MAP1LC3B: variants seen among roughly 807,000 people sequenced by gnomAD.
MAP1LC3B encodes the protein microtubule-associated protein 1 light chain 3 beta.
A neutral mutation model predicts 16.7 loss-of-function variants in MAP1LC3B; 12 were observed. The observed-to-expected ratio is 0.72, with a 90% CI of 0.46 to 1.16. The LOEUF (loss-of-function observed/expected upper bound fraction) is 1.16. Among genes scored for constraint, MAP1LC3B ranks in the 50% most tolerant of loss-of-function variants. The probability of loss-of-function intolerance (pLI) is 0.00; values close to 1 mark genes in which losing one functional copy is unlikely to be tolerated. For synonymous variants in MAP1LC3B, 63 were observed against 56.5 expected, an observed-to-expected ratio of 1.11 and a Z score of -0.51; for missense variants, 155 against 159.5, an observed-to-expected ratio of 0.97 and a Z score of 0.15.
intron 2 of MAP1LC3B, chr16:87,399,593 G>A: frequency 2.2e-6 from 1 of 453,972 alleles, no homozygotes; most frequent in South Asian, 1.6e-5. Context: ...TCTTTGTTGT[G>A]ACAGGGTGGA....
chr16:87,401,598 C>T (rs12149354), intron 2 of MAP1LC3B, among the ~76,000 whole-genome samples: 148,617 of 152,300 alleles, frequency 0.98, 72,639 homozygotes, highest in East Asian at 1. Flanking sequence ...AGTGGCGCAA[C>T]CTCAGCTCAC....
chr16:87,397,307 A>C (rs923344728), intron 1 of MAP1LC3B, among the ~76,000 whole-genome samples: 2 of 152,112 alleles, frequency 1.3e-5, no homozygotes, highest in African/African-American at 4.8e-5. Flanking sequence ...GGAATTTTAA[A>C]AGTTTTTATA....
At chr16:87,399,728 G>T in intron 2 of MAP1LC3B, 1 of 378,360 alleles carries the variant, frequency 2.6e-6, no homozygotes, top group South Asian at 1.9e-5. Flanking sequence ...AAAATATTTT[G>T]CTCCATGGAA....
chr16:87,402,156 C>A lies in MAP1LC3B; in HGVS notation c.97-19C>A, dbSNP rs377513973. 6.2e-7 allele frequency: 1 copy of A among 1,613,654 alleles called. No homozygotes were observed. The highest frequency in any genetic ancestry group is 1.3e-5 in the African/African-American group (1 of 75,018). On this transcript the variant is annotated intron_variant, in intron 2 of 3. Transcript: ENST00000268607. ...GGCCCTGATGACTATTTTAAAATCA[C>A]TTCTGGCTTCTTTTCCAGGTGATAA...
At chr16:87,399,486 C>T (rs1907912039) in intron 2 of MAP1LC3B, 1 of 383,374 alleles carries the variant, frequency 2.6e-6, no homozygotes, top group African/African-American at 2.1e-5. Context: ...TTACACAGAA[C>T]CCTATGTAGG....
In MAP1LC3B at chr16:87,403,954, T is replaced by C. The variant is rs964012068; in HGVS notation, c.*857T>C. The C allele has an allele frequency of 6.6e-6, 1 of 152,178 alleles. No individual in the cohort carries two copies. The highest frequency in any genetic ancestry group is 1.5e-5 in the Non-Finnish European group (1 of 68,038). 9.4% of individuals were successfully genotyped at this position (152,178 alleles called of 1,614,324 possible). A position where few individuals can be genotyped will look rare whatever the true frequency, so the allele number is the denominator to read the frequency against. ...GTACAGCGGGAGAAACACAAAATAG[T>C]ATAACTGAAAACATTAACATTCAGA... On this transcript the variant is annotated 3_prime_UTR_variant, in exon 4 of 4. Coordinates refer to ENST00000268607, the MANE Select transcript of MAP1LC3B (RefSeq NM_022818.5).
intron 2 of MAP1LC3B, chr16:87,399,567 C>A (rs1907915089): frequency 2.2e-6 from 1 of 447,898 alleles, no homozygotes; most frequent in Admixed American, 2.5e-5. Flanking sequence ...ATTTCCCATT[C>A]CTGCCACTCA....
intron 2 of MAP1LC3B, 66 bp from the exon 3 acceptor site, chr16:87,402,109 A>G: frequency 6.5e-7 from 1 of 1,536,398 alleles, no homozygotes; most frequent in Non-Finnish European, 9.0e-7. Flanking sequence ...TGCTGGGGTT[A>G]CAGGTGTGAG....
chr16:87,398,263 A>G (rs552186015), intron 1 of MAP1LC3B, among the ~76,000 whole-genome samples: 9 of 152,240 alleles, frequency 5.9e-5, no homozygotes, highest in African/African-American at 2.2e-4. Context: ...CCTGACCTCA[A>G]GTGATCTGCC....
Position 87,398,861 on chromosome 16 carries a change from C to T in MAP1LC3B, c.87C>T (p.Thr29=). 6.2e-7 allele frequency: 1 copy of T among 1,613,976 alleles called. No individual in the cohort carries two copies. Among genetic ancestry groups the T allele is most frequent in the Non-Finnish European group, 8.5e-7 (1 of 1,179,864 alleles). ...GACTTATTCGAGAGCAGCATCCAAC[C>T]AAAATCCCGGTAGGTAGTCTCAGGC... ...DVRLIREQHP[T]KIPVIIERYK... The change falls in exon 2 of 4, where the codon ACC becomes ACT. Residue 29 remains threonine (T), a synonymous_variant. Transcript: ENST00000268607.
At chr16:87,394,108 T>G (rs562328759) in intron 1 of MAP1LC3B, among the ~76,000 whole-genome samples, 58 of 152,262 alleles carry the variant, frequency 3.8e-4, no homozygotes, top group Middle Eastern at 6.8e-3. Flanking sequence ...ATGCCCCATT[T>G]TTTTCCCATT....
chr16:87,393,124 G>A (rs1455347582), intron 1 of MAP1LC3B: 1 of 152,296 alleles, frequency 6.6e-6, no homozygotes, highest in African/African-American at 2.4e-5. Context: ...GACTTCTCTT[G>A]GGTTTGCGAT....
intron 2 of MAP1LC3B, among the ~76,000 whole-genome samples, chr16:87,400,778 T>C (rs773142497): frequency 6.6e-6 from 1 of 151,888 alleles, no homozygotes; most frequent in Non-Finnish European, 1.5e-5. Context: ...CCTCACCTCC[T>C]TATGCACCAG....
intron 1 of MAP1LC3B, among the ~76,000 whole-genome samples, chr16:87,393,526 A>AT (rs1597387906): frequency 6.6e-6 from 1 of 151,870 alleles, no homozygotes; most frequent in Non-Finnish European, 1.5e-5. Flanking sequence ...ATTGACCATT[A>AT]TTTTTTTTCT....
chr16:87,397,576 G>GC (rs1354452825), intron 1 of MAP1LC3B, among the ~76,000 whole-genome samples: 1 of 152,160 alleles, frequency 6.6e-6, no homozygotes, highest in African/African-American at 2.4e-5. Context: ...GGAGATTGCA[G>GC]CACTGCACTC....
At chr16:87,399,180 A>T in intron 2 of MAP1LC3B, 1 of 330,686 alleles carries the variant, frequency 3.0e-6, no homozygotes, top group Non-Finnish European at 5.7e-6. Context: ...CTAATTTTTT[A>T]AGTTTTTTGT....
At position 87,398,933 on chromosome 16, in the gene MAP1LC3B, G is replaced by C. The variant is rs1597390013; in HGVS notation, c.96+63G>C. ...ACGCAGAGGAGAGCACCGCATAAGT[G>C]CATCCACTTGACGGGTTTTTACAGG... is the stretch of plus-strand genomic sequence containing the variant. On this transcript the variant is annotated intron_variant, in intron 2 of 3. Coordinates refer to ENST00000268607, the MANE Select transcript of MAP1LC3B (RefSeq NM_022818.5). The C allele has an allele frequency of 6.4e-6, 9 of 1,416,614 alleles. No homozygotes were observed. In the East Asian group the frequency reaches 1.8e-4, roughly 29 times the overall value. 87.8% of individuals were successfully genotyped at this position (1,416,614 alleles called of 1,614,324 possible).
intron 2 of MAP1LC3B, 70 bp downstream of exon 2, chr16:87,398,940 C>CT: frequency 1.5e-6 from 2 of 1,374,434 alleles, no homozygotes; most frequent in East Asian, 4.6e-5. Context: ...AGTGCATCCA[C>CT]TTGACGGGTT....
intron 1 of MAP1LC3B, among the ~76,000 whole-genome samples, chr16:87,398,472 A>G (rs370868847): frequency 6.6e-6 from 1 of 152,238 alleles, no homozygotes; most frequent in South Asian, 2.1e-4. Context: ...TATAGGTGGT[A>G]GTGGTCTTTG....
Sources: allele counts gnomAD v4.1 joint callset (sites outside exome capture counted in the v4.1 genomes callset), GRCh38; gene constraint gnomAD v4.1.1; transcripts MANE v1.5; gene names NCBI Gene and HGNC (gene_info 2026-07-23, HGNC 2026-07-21).